Variants in KANK1 observed in about 807,000 individuals in gnomAD.
KANK1 encodes KN motif and ankyrin repeat domain-containing protein 1.
A neutral mutation model predicts 106.2 loss-of-function variants in KANK1; 109 were observed. That is an observed-to-expected ratio of 1.03 (90% CI 0.88 to 1.20). KANK1 has a LOEUF of 1.20. KANK1 is among the 50% of genes most tolerant of loss of function. KANK1 has a pLI of 0.00. For missense variants in KANK1, 2,399 were observed against 1,710.7 expected, an observed-to-expected ratio of 1.40 and a Z score of -7.10; for synonymous variants, 873 against 652.2, an observed-to-expected ratio of 1.34 and a Z score of -5.16.
At chr9:730,626 G>C (rs183846346) in intron 4 of KANK1, 1 of 290,826 alleles carries the variant, frequency 3.4e-6, no homozygotes, top group Non-Finnish European at 6.6e-6. Context: ...CTGGGAGGTG[G>C]AGGTTGCAGT....
intron 1 of KANK1, among the ~76,000 whole-genome samples, chr9:656,888 T>TA (rs1842264097): frequency 6.6e-6 from 1 of 152,058 alleles, no homozygotes; most frequent in African/African-American, 2.4e-5. Context: ...CCTTTTTTTT[T>TA]ATTGTGGTGA....
chr9:613,400 T>C (rs1281728454), intron 1 of KANK1, among the ~76,000 whole-genome samples: 2 of 151,672 alleles, frequency 1.3e-5, no homozygotes, highest in Non-Finnish European at 2.9e-5. Context: ...ACAGGCTGCA[T>C]GTGGCCCAGG....
At chr9:719,419 T>G (rs1828706294) in intron 3 of KANK1, among the ~76,000 whole-genome samples, 1 of 152,174 alleles carries the variant, frequency 6.6e-6, no homozygotes, top group African/African-American at 2.4e-5. Flanking sequence ...TAGATGTTCT[T>G]TAAAAATTAA....
At chr9:672,170 A>G (rs1220699571) in intron 1 of KANK1, among the ~76,000 whole-genome samples, 1 of 152,212 alleles carries the variant, frequency 6.6e-6, no homozygotes, top group East Asian at 1.9e-4. Context: ...TCAGCTTTAA[A>G]TGTCAGCACT....
rs776386850 is a variant in KANK1, at chr9:711,931, T to G, written c.1165T>G (p.Ser389Ala). The G allele has an allele frequency of 1.9e-6, 3 of 1,614,120 alleles. No homozygotes were observed. Among genetic ancestry groups the G allele is most frequent in the Non-Finnish European group, 8.5e-7 (1 of 1,180,022 alleles). ...QKIQDSSCEA[S>A]SELRENGECR... is the part of the protein sequence containing the mutation. Reference sequence around the variant, plus strand: ...GATCCAGGACAGCAGCTGTGAGGCCTCCTCAGAGCTCAGGGAGAATGGAGA... The same window carrying G: ...GATCCAGGACAGCAGCTGTGAGGCCGCCTCAGAGCTCAGGGAGAATGGAGA... Residue 389 changes from serine (S) to alanine (A), a missense_variant, in exon 3 of 12, where the codon TCC becomes GCC. Transcript: ENST00000382297.
intron 1 of KANK1, among the ~76,000 whole-genome samples, chr9:599,663 G>T (rs746334967): frequency 6.6e-6 from 1 of 151,792 alleles, no homozygotes; most frequent in South Asian, 2.1e-4. Context: ...GCAGGTCCAC[G>T]TGCAGGTCTG....
At chr9:656,626 T>C (rs1339767705) in intron 1 of KANK1, among the ~76,000 whole-genome samples, 1 of 152,044 alleles carries the variant, frequency 6.6e-6, no homozygotes, top group Non-Finnish European at 1.5e-5. Context: ...CCCTACTCCC[T>C]CCCGGTGCCT....
chr9:534,169 T>G (rs2060191713), intron 1 of KANK1, among the ~76,000 whole-genome samples: 1 of 152,216 alleles, frequency 6.6e-6, no homozygotes, highest in Admixed American at 6.5e-5. Flanking sequence ...ATAAATAGTT[T>G]GTGGGAGTGT....
chr9:664,318 C>A (rs941344423), intron 1 of KANK1, among the ~76,000 whole-genome samples: 1 of 152,088 alleles, frequency 6.6e-6, no homozygotes, highest in African/African-American at 2.4e-5. Context: ...TGAGAACATG[C>A]GACATTGTCT....
Position 676,958 on chromosome 9 carries a change from T to G in KANK1, c.-15T>G. On this transcript the variant is annotated 5_prime_UTR_variant, in exon 2 of 12. It adds an upstream start codon to the 5' untranslated region. Coordinates refer to ENST00000382297, the MANE Select transcript of KANK1 (RefSeq NM_015158.5). ...CCTCACTCCTTTCTGGATCTCTCATTGGACTCAAGCCAGCATGGCTCACAC... is the reference window on the plus strand; with the variant it reads ...CCTCACTCCTTTCTGGATCTCTCATGGGACTCAAGCCAGCATGGCTCACAC... The G allele has an allele frequency of 6.2e-7, 1 of 1,612,972 alleles. No homozygotes were observed.
At position 741,325 on chromosome 9, in the gene KANK1, CTT is replaced by C. The variant is rs71314736; in HGVS notation, c.3696+402_3696+403del. 7.5e-5 allele frequency among the ~76,000 whole-genome samples: 11 copies of C among 146,398 alleles called. No homozygotes were observed. In the South Asian group the frequency reaches 2.2e-3, roughly 29 times the overall value. Reference sequence around the variant, plus strand: ...AGGTCCAGATGTGTTCACAGCTTGACTTTTTTTTTTTTAAGAGACGGTCTTGC... The same window carrying C: ...AGGTCCAGATGTGTTCACAGCTTGACTTTTTTTTTTAAGAGACGGTCTTGC... On this transcript the variant is annotated intron_variant, in intron 9 of 11. Coordinates refer to ENST00000382297, the MANE Select transcript of KANK1 (RefSeq NM_015158.5).
In KANK1 at chr9:711,391, A is replaced by G. The variant is rs767059310; in HGVS notation, c.625A>G (p.Lys209Glu). The G allele has an allele frequency of 3.7e-6, 6 of 1,614,106 alleles. No individual in the cohort carries two copies. Among genetic ancestry groups the G allele is most frequent in the Non-Finnish European group, 4.2e-6 (5 of 1,180,012 alleles). Residue 209 changes from lysine (K) to glutamate (E), a missense_variant, in exon 3 of 12, where the codon AAG (lysine) becomes GAG (glutamate). Lys to Glu is a moderately conservative substitution (Grantham distance 56). Transcript: ENST00000382297. ...FVGSGNHNPA[K>E]HQLQNGYQGN... ...GGGTTCTGGAAACCACAATCCTGCC[A>G]AGCACCAGCTTCAGAATGGATACCA...
chr9:592,938 A>G (rs1825328950), intron 1 of KANK1, among the ~76,000 whole-genome samples: 1 of 151,918 alleles, frequency 6.6e-6, no homozygotes, highest in Admixed American at 6.5e-5. Flanking sequence ...GCTCATGAGC[A>G]TGCTGGTTCA....
chr9:543,362 C>T (rs575209932), intron 1 of KANK1, among the ~76,000 whole-genome samples: 2 of 151,860 alleles, frequency 1.3e-5, no homozygotes, highest in Non-Finnish European at 2.9e-5. Context: ...TTGAGACCAG[C>T]CTGGCCAACA....
rs116011973 is a variant in KANK1, at chr9:616,072, C to G, written c.-83-60818C>G. The stretch of plus-strand genomic sequence containing the variant: ...CCGTCCTACCAGTGTCACCTCCCCA[C>G]CCAGCATCAGCCGAGCACCACATCC... On this transcript the variant is annotated intron_variant, in intron 1 of 11. Transcript: ENST00000382297. Among the ~76,000 whole-genome samples, 787 of 152,278 alleles carry G rather than the reference C, an allele frequency of 5.2e-3. 5 individuals are homozygous for G. Among genetic ancestry groups the G allele is most frequent in the African/African-American group, 0.018 (745 of 41,550 alleles).
chr9:706,731 T>A, intron 2 of KANK1: 1 of 963,346 alleles, frequency 1.0e-6, no homozygotes, highest in Non-Finnish European at 1.2e-6. Context: ...AGCCCAGGGC[T>A]GAGAAGAGTC....
rs535517106 is a variant in KANK1 at position 651,671 on chromosome 9, GATTA to G, written c.-83-25215_-83-25212del. ...TGGAGTTCATTCACATCTCTATTTT[GATTA>G]ATTGTTTTACACATCAGGCTCCATA... On this transcript the variant is annotated intron_variant, in intron 1 of 11. Coordinates refer to ENST00000382297, the MANE Select transcript of KANK1 (RefSeq NM_015158.5). Among the ~76,000 whole-genome samples, 3 of 152,266 alleles carry G rather than the reference GATTA, an allele frequency of 2.0e-5. No individual in the cohort carries two copies. The South Asian group carries it at 6.2e-4, about 32-fold the overall frequency.
chr9:568,606 C>A (rs10119335), intron 1 of KANK1, among the ~76,000 whole-genome samples: 38,339 of 151,828 alleles, frequency 0.25, 5,018 homozygotes, highest in Admixed American at 0.32. Context: ...CATCCCGCCT[C>A]AGCCTGCTGA....
At chr9:739,890 C>T (rs887168070) in intron 8 of KANK1, among the ~76,000 whole-genome samples, 1 of 151,936 alleles carries the variant, frequency 6.6e-6, no homozygotes, top group Non-Finnish European at 1.5e-5. Context: ...CCCCGAAGCG[C>T]ACACGAATTC....
Sources: gnomAD v4.1 joint callset for allele counts (sites outside exome capture counted in the v4.1 genomes callset) on GRCh38, gnomAD v4.1.1 for gene constraint, MANE v1.5 for transcripts, NCBI Gene and HGNC (gene_info 2026-07-23, HGNC 2026-07-21) for gene names.